Variants in RBMS3 observed in about 807,000 individuals in gnomAD.
The protein encoded by RBMS3 is RNA-binding motif, single-stranded-interacting protein 3.
RBMS3 carries 27 observed loss-of-function variants against 66.8 expected under a neutral mutation model. The ratio of observed to expected loss-of-function variants is 0.40; its 90% CI spans 0.30 to 0.56. The LOEUF (loss-of-function observed/expected upper bound fraction) is 0.56, where lower values mean the gene tolerates loss of function less well. Ranked by LOEUF, RBMS3 falls within the 20% of genes least tolerant of loss-of-function variation. The pLI, the probability that RBMS3 is intolerant of heterozygous loss-of-function variation, is 0.40. For missense variants in RBMS3, 513 were observed against 549.5 expected, an observed-to-expected ratio of 0.93 and a Z score of 0.66; for synonymous variants, 188 against 183.0, an observed-to-expected ratio of 1.03 and a Z score of -0.22.
At chr3:29,754,055 T>C (rs1199239271) in intron 5 of RBMS3, among the ~76,000 whole-genome samples, 1 of 152,090 alleles carries the variant, frequency 6.6e-6, no homozygotes, top group East Asian at 1.9e-4. Flanking sequence ...CCTCCCAGGT[T>C]CAAGGGATCC....
chr3:29,864,870 AGAAG>A (rs1646190587), intron 6 of RBMS3, among the ~76,000 whole-genome samples: 1 of 135,728 alleles, frequency 7.4e-6, no homozygotes, highest in African/African-American at 2.7e-5. Context: ...GAAGGGGAAG[AGAAG>A]GAGGGAGGGA....
At chr3:29,939,289 C>T (rs1419709725) in intron 11 of RBMS3, among the ~76,000 whole-genome samples, 4 of 151,960 alleles carry the variant, frequency 2.6e-5, no homozygotes, top group East Asian at 1.9e-4. Flanking sequence ...TAAACATACT[C>T]ATACTATATA....
At chr3:29,293,820 T>C (rs1033125608) in intron 1 of RBMS3, among the ~76,000 whole-genome samples, 2 of 151,434 alleles carry the variant, frequency 1.3e-5, no homozygotes, top group African/African-American at 4.8e-5. Context: ...TTTGTCTCTC[T>C]GCCCTCTGAT....
chr3:29,775,405 A>T (rs892881614), intron 6 of RBMS3, among the ~76,000 whole-genome samples: 2 of 151,890 alleles, frequency 1.3e-5, no homozygotes, highest in African/African-American at 4.8e-5. Flanking sequence ...ATATTGTTTG[A>T]CAGAATATGT....
intron 6 of RBMS3, among the ~76,000 whole-genome samples, chr3:29,791,975 A>C (rs373369576): frequency 6.6e-6 from 1 of 152,214 alleles, no homozygotes; most frequent in South Asian, 2.1e-4. Flanking sequence ...GAAAAATCTT[A>C]ATCTCCAAAT....
In RBMS3 at chr3:29,762,088, G is replaced by A. The variant is rs73831012; in HGVS notation, c.558-822G>A. On this transcript the variant is annotated intron_variant, in intron 5 of 14. Coordinates refer to ENST00000383767, the MANE Select transcript of RBMS3 (RefSeq NM_001003793.3). ...CATTGCCAAAATTTAAATTATGTTGGTATGGCTCAAAATGTTCATGCTTTA... is the reference window on the plus strand; with the variant it reads ...CATTGCCAAAATTTAAATTATGTTGATATGGCTCAAAATGTTCATGCTTTA... 6.7e-3 allele frequency among the ~76,000 whole-genome samples: 1,017 copies of A among 152,158 alleles called. 13 individuals are homozygous for A. Among genetic ancestry groups the A allele is most frequent in the African/African-American group, 0.024 (981 of 41,510 alleles).
At chr3:29,469,883 T>C (rs1412557310) in intron 2 of RBMS3, among the ~76,000 whole-genome samples, 1 of 149,474 alleles carries the variant, frequency 6.7e-6, no homozygotes, top group Non-Finnish European at 1.5e-5. Flanking sequence ...TTTTACATCT[T>C]TTATATATTT....
intron 1 of RBMS3, among the ~76,000 whole-genome samples, chr3:29,406,293 C>T (rs1224833724): frequency 6.6e-6 from 1 of 152,070 alleles, no homozygotes. Context: ...AGTAGGAGTG[C>T]CAACAGTGTG....
intron 3 of RBMS3, among the ~76,000 whole-genome samples, chr3:29,511,713 A>G (rs775501873): frequency 1.2e-4 from 19 of 152,268 alleles, no homozygotes; most frequent in Non-Finnish European, 1.9e-4. Context: ...CTTTATTTGG[A>G]GAATATTACT....
rs1383280539 is a variant in RBMS3, at chr3:29,991,472, A to T, written c.1307+263A>T. 9.0e-6 allele frequency: 4 copies of T among 446,236 alleles called. No homozygotes were observed. In the East Asian group the frequency reaches 1.8e-4, roughly 20 times the overall value. The allele number at this position is 446,236 out of a possible 1,614,324, so 27.6% of individuals were successfully genotyped here. ...GCTTCTGGGTGTTGCTAGCTGTTGG[A>T]TGTGTGATGGAAGTGACTAGGCCAT... On this transcript the variant is annotated intron_variant, in intron 14 of 14. Transcript: ENST00000383767.
intron 6 of RBMS3, among the ~76,000 whole-genome samples, chr3:29,792,489 T>G (rs2149429320): frequency 6.6e-6 from 1 of 152,296 alleles, no homozygotes; most frequent in Admixed American, 6.5e-5. Flanking sequence ...TGTTGTACCT[T>G]GGGCTGTCTT....
At chr3:29,607,050 A>G (rs75680771) in intron 4 of RBMS3, among the ~76,000 whole-genome samples, 3,052 of 152,116 alleles carry the variant, frequency 0.02, 42 homozygotes, top group Middle Eastern at 0.034. Flanking sequence ...ATATTCTATT[A>G]AAGTCAGTGT....
In RBMS3 at chr3:29,380,212, TCACA is replaced by T. The variant is rs10584637; in HGVS notation, c.76-54509_76-54506del. On this transcript the variant is annotated intron_variant, in intron 1 of 14. Coordinates refer to ENST00000383767, the MANE Select transcript of RBMS3 (RefSeq NM_001003793.3). The stretch of plus-strand genomic sequence containing the variant: ...CTAGTAGGTATTTAGTAGGGGAATC[TCACA>T]CACACACACACACACACACACGTAC... Among the ~76,000 whole-genome samples the T allele has an allele frequency of 3.6e-3, 534 of 149,258 alleles. 4 individuals carry two copies. The highest frequency in any genetic ancestry group is 0.012 in the African/African-American group (484 of 40,566).
chr3:29,671,072 A>G (rs2050980528), intron 4 of RBMS3, among the ~76,000 whole-genome samples: 1 of 152,200 alleles, frequency 6.6e-6, no homozygotes, highest in Non-Finnish European at 1.5e-5. Flanking sequence ...AGGATCAGAC[A>G]GCAACATTTG....
At chr3:29,336,391 A>G (rs1185243226) in intron 1 of RBMS3, among the ~76,000 whole-genome samples, 1 of 152,162 alleles carries the variant, frequency 6.6e-6, no homozygotes, top group African/African-American at 2.4e-5. Context: ...ACAAGTATTC[A>G]AAGTAAAATG....
chr3:29,297,393 A>G (rs2033347421), intron 1 of RBMS3, among the ~76,000 whole-genome samples: 1 of 151,848 alleles, frequency 6.6e-6, no homozygotes, highest in Admixed American at 6.6e-5. Flanking sequence ...GCAATTGAAA[A>G]GCTTGGAATT....
At chr3:29,728,191 C>T (rs551387048) in intron 4 of RBMS3, among the ~76,000 whole-genome samples, 16 of 151,132 alleles carry the variant, frequency 1.1e-4, no homozygotes, top group African/African-American at 3.7e-4. Context: ...GAACATCACA[C>T]ACTGGGGGCC....
intron 8 of RBMS3, among the ~76,000 whole-genome samples, chr3:29,893,444 C>T (rs919517972): frequency 5.3e-5 from 8 of 151,434 alleles, no homozygotes; most frequent in African/African-American, 1.7e-4. Context: ...TTTACAAAGT[C>T]GACCAGCCAC....
In RBMS3 at chr3:29,861,765, A is replaced by G. The variant is rs577940876; in HGVS notation, c.638-7093A>G. Among the ~76,000 whole-genome samples, 45 of 152,368 alleles carry G rather than the reference A, an allele frequency of 3.0e-4. 1 individual carries two copies. The South Asian group carries it at 9.3e-3, about 32-fold the overall frequency. The stretch of plus-strand genomic sequence containing the variant: ...TTTATGCATTGTATGTTGCATGTTT[A>G]ATACAAAGTTTGGAAGACTAGAAAT... On this transcript the variant is annotated intron_variant, in intron 6 of 14. Coordinates refer to ENST00000383767, the MANE Select transcript of RBMS3 (RefSeq NM_001003793.3).
Sources: allele counts gnomAD v4.1 joint callset (sites outside exome capture counted in the v4.1 genomes callset), GRCh38; gene constraint gnomAD v4.1.1; transcripts MANE v1.5; gene names NCBI Gene and HGNC (gene_info 2026-07-23, HGNC 2026-07-21).